ACO1: variants seen among roughly 807,000 people sequenced by gnomAD.
ACO1 encodes the protein aconitase 1, also known as cytoplasmic aconitate hydratase.
Under a neutral mutation model 105.1 loss-of-function variants are expected in ACO1, and 78 were observed. The ratio of observed to expected loss-of-function variants is 0.74; its 90% CI spans 0.62 to 0.90. The LOEUF is 0.90. ACO1 is among the 40% of genes least tolerant of loss of function. The probability of loss-of-function intolerance (pLI) is 0.00; values close to 1 mark genes in which losing one functional copy is unlikely to be tolerated. For synonymous variants in ACO1, 364 were observed against 397.4 expected (o/e 0.92, Z 1.00); for missense variants, 965 against 1,111.1 (o/e 0.87, Z 1.87).
chr9:32,423,263 C>T (rs1357494450), intron 8 of ACO1, 56 bp from the exon 9 acceptor site: 3 of 1,041,102 alleles, frequency 2.9e-6, no homozygotes, highest in African/African-American at 1.7e-5. Flanking sequence ...AGTTTATAAA[C>T]TTCAACCAGG....
chr9:32,398,493 C>T (rs1223240183), intron 1 of ACO1, among the ~76,000 whole-genome samples: 6 of 152,032 alleles, frequency 3.9e-5, no homozygotes, highest in African/African-American at 1.4e-4. Flanking sequence ...TGTGCAGTCT[C>T]CCTCACAAAA....
intron 2 of ACO1, 147 bp from the exon 3 acceptor site, chr9:32,407,114 G>A: frequency 1.4e-6 from 1 of 702,570 alleles, no homozygotes; most frequent in Non-Finnish European, 2.4e-6. Context: ...AAATATCCAT[G>A]TATTTTAAAC....
intron 1 of ACO1, among the ~76,000 whole-genome samples, chr9:32,394,929 C>G (rs1821340851): frequency 1.1e-5 from 1 of 92,302 alleles, no homozygotes; most frequent in African/African-American, 3.2e-5. Flanking sequence ...TTGGCGAATT[C>G]ACAGAGGTAA....
chr9:32,405,123 G>A (rs2118397792), intron 1 of ACO1, among the ~76,000 whole-genome samples: 1 of 50,558 alleles, frequency 2.0e-5, no homozygotes, highest in East Asian at 3.9e-4. Flanking sequence ...TAGTTCCCAG[G>A]AAAGAGGCGC....
chr9:32,431,804 C>T lies in ACO1; in HGVS notation c.1812C>T (p.Val604=). ...DEIQAVERQY[V]IPGMFKEVYQ... Reference sequence around the variant, plus strand: ...TCCAGGCAGTGGAGCGTCAGTATGTCATCCCGGGGATGTTTAAGGAAGTCT... The same window carrying T: ...TCCAGGCAGTGGAGCGTCAGTATGTTATCCCGGGGATGTTTAAGGAAGTCT... The change falls in exon 15 of 21, where the codon GTC becomes GTT. Residue 604 remains valine, a synonymous_variant. Coordinates refer to ENST00000309951, the MANE Select transcript of ACO1 (RefSeq NM_002197.3). 1.2e-6 allele frequency: 2 copies of T among 1,614,126 alleles called. No individual in the cohort carries two copies. The highest frequency in any genetic ancestry group is 1.7e-6 in the Non-Finnish European group (2 of 1,180,016).
In ACO1 at chr9:32,430,512, C is replaced by A. The variant is rs147879556; in HGVS notation, c.1664C>A (p.Pro555His). ...NTRANYLASPPLVIAYAIAGT... is the reference protein window; with the variant it reads ...NTRANYLASPHLVIAYAIAGT... Reference sequence around the variant, plus strand: ...CGGGCCAACTATTTAGCCTCTCCCCCCTTAGTAATAGCATATGCAATTGCT... The same window carrying A: ...CGGGCCAACTATTTAGCCTCTCCCCACTTAGTAATAGCATATGCAATTGCT... Residue 555 changes from proline (P) to histidine (H), a missense_variant, in exon 14 of 21, where the codon CCC becomes CAC. By Grantham distance (77) the Pro-to-His change is moderately conservative. Coordinates refer to ENST00000309951, the MANE Select transcript of ACO1 (RefSeq NM_002197.3). The A allele has an allele frequency of 8.1e-4, 1,308 of 1,611,364 alleles. 10 individuals carry two copies. Among genetic ancestry groups the A allele is most frequent in the South Asian group, 2.4e-4 (22 of 90,256 alleles).
At position 32,389,799 on chromosome 9, in the gene ACO1, A is replaced by ATT. The variant is rs1821228942; in HGVS notation, c.-23+5064_-23+5065insTT. On this transcript the variant is annotated intron_variant, in intron 1 of 20. Transcript: ENST00000309951. Reference sequence around the variant, plus strand: ...AATTGGCCAATTTTGTTTCCTCTATACTTTTTTTTTTTTTTTTGAGACAGC... The same window carrying ATT: ...AATTGGCCAATTTTGTTTCCTCTATATTCTTTTTTTTTTTTTTTTGAGACAGC... 2.1e-4 allele frequency among the ~76,000 whole-genome samples: 7 copies of ATT among 32,652 alleles called. No homozygotes were observed. The East Asian group carries it at 4.9e-3, about 23-fold the overall frequency. 21.4% of individuals were successfully genotyped at this position (32,652 alleles called of 152,430 possible).
chr9:32,433,045 C>A (rs1429386635), intron 15 of ACO1, among the ~76,000 whole-genome samples: 1 of 152,140 alleles, frequency 6.6e-6, no homozygotes, highest in Non-Finnish European at 1.5e-5. Flanking sequence ...ATGACTCACA[C>A]ATGGTAGCTG....
Position 32,405,421 on chromosome 9 carries a change from A to T in ACO1, c.-22-64A>T, listed in dbSNP as rs1821587907. 2.1e-5 allele frequency: 19 copies of T among 919,938 alleles called. No individual in the cohort carries two copies. The South Asian group carries it at 2.2e-4, about 11-fold the overall frequency. The allele number at this position is 919,938 out of a possible 1,614,324, so 57.0% of individuals were successfully genotyped here. A position where few individuals can be genotyped will look rare whatever the true frequency, so the allele number is the denominator to read the frequency against. On this transcript the variant is annotated intron_variant, in intron 1 of 20. Transcript: ENST00000309951. Reference sequence around the variant, plus strand: ...ATAGTAAAAACTAAGCCTTCCTCCCAGTCCTGATTTCTAGGTCCCAGACCT... The same window carrying T: ...ATAGTAAAAACTAAGCCTTCCTCCCTGTCCTGATTTCTAGGTCCCAGACCT...
At chr9:32,424,909 A>G (rs1417831633) in intron 10 of ACO1, among the ~76,000 whole-genome samples, 3 of 126,532 alleles carry the variant, frequency 2.4e-5, no homozygotes, top group Non-Finnish European at 3.5e-5. Context: ...GACCCTCACC[A>G]CACTGTTTAC....
In ACO1 at chr9:32,450,236, A is replaced by ACT. The variant is rs1008999469; in HGVS notation, c.*126_*127dup. 1.3e-6 allele frequency: 1 copy of ACT among 787,370 alleles called. No homozygotes were observed. The highest frequency in any genetic ancestry group is 1.7e-5 in the African/African-American group (1 of 59,288). The allele number at this position is 787,370 out of a possible 1,614,324, so 48.8% of individuals were successfully genotyped here. A position where few individuals can be genotyped will look rare whatever the true frequency, so the allele number is the denominator to read the frequency against. On this transcript the variant is annotated 3_prime_UTR_variant, in exon 21 of 21. Coordinates refer to ENST00000309951, the MANE Select transcript of ACO1 (RefSeq NM_002197.3). The stretch of plus-strand genomic sequence containing the variant: ...TGCCTTGTAGATGGAGCAAGTGAGC[A>ACT]CTGAGGGTCTGGTGCCAATCCTGTA...
intron 4 of ACO1, among the ~76,000 whole-genome samples, chr9:32,411,045 A>T (rs1436684859): frequency 6.6e-6 from 1 of 152,104 alleles, no homozygotes; most frequent in Non-Finnish European, 1.5e-5. Context: ...GAAAACACAC[A>T]GTATCTCTAA....
chr9:32,403,203 C>T (rs566009480), intron 1 of ACO1, among the ~76,000 whole-genome samples: 3 of 152,242 alleles, frequency 2.0e-5, no homozygotes, highest in East Asian at 1.9e-4. Context: ...GGATGTATGC[C>T]GTTACGCAAG....
At position 32,450,146 on chromosome 9, in the gene ACO1, G is replaced by T; in HGVS notation, c.*35G>T. On this transcript the variant is annotated 3_prime_UTR_variant, in exon 21 of 21. Coordinates refer to ENST00000309951, the MANE Select transcript of ACO1 (RefSeq NM_002197.3). ...ACTTGGTGCTGCGCCCAGGGAGGAAGCCGCACCACCAGCCAGCGCAGGCCC... is the reference window on the plus strand; with the variant it reads ...ACTTGGTGCTGCGCCCAGGGAGGAATCCGCACCACCAGCCAGCGCAGGCCC... The T allele has an allele frequency of 6.4e-7, 1 of 1,556,838 alleles. No individual in the cohort carries two copies. Among genetic ancestry groups the T allele is most frequent in the Non-Finnish European group, 8.9e-7 (1 of 1,129,702 alleles).
chr9:32,387,612 G>GA (rs1038837469), intron 1 of ACO1, among the ~76,000 whole-genome samples: 5 of 151,980 alleles, frequency 3.3e-5, no homozygotes, highest in Admixed American at 1.3e-4. Context: ...TTTTGATAAG[G>GA]AAAAAAATCT....
At chr9:32,441,224 A>G (rs1195428029) in intron 19 of ACO1, among the ~76,000 whole-genome samples, 1 of 152,042 alleles carries the variant, frequency 6.6e-6, no homozygotes, top group East Asian at 1.9e-4. Context: ...TCGGGGCTCT[A>G]CCTCTTGAGG....
Position 32,384,709 on chromosome 9 carries a change from C to T in ACO1, c.-49C>T. ...CGCTGCTTGGGTCAGGTTCGCCGGT[C>T]GCGGGAGCCCCGCCGTGCAGTCGGA... On this transcript the variant is annotated 5_prime_UTR_variant, in exon 1 of 21. Coordinates refer to ENST00000309951, the MANE Select transcript of ACO1 (RefSeq NM_002197.3). 1 of 413,008 alleles carries T rather than the reference C, an allele frequency of 2.4e-6. No individual in the cohort carries two copies. The highest frequency in any genetic ancestry group is 1.7e-5 in the South Asian group (1 of 60,134). 25.6% of individuals were successfully genotyped at this position (413,008 alleles called of 1,614,324 possible).
At chr9:32,399,917 C>T (rs1477215612) in intron 1 of ACO1, among the ~76,000 whole-genome samples, 3 of 130,932 alleles carry the variant, frequency 2.3e-5, no homozygotes, top group Non-Finnish European at 4.9e-5. Flanking sequence ...CCTGCATTTT[C>T]TGTTGTTGCT....
At position 32,384,663 on chromosome 9, in the gene ACO1, G is replaced by A. The variant is rs1011584275; in HGVS notation, c.-95G>A. On this transcript the variant is annotated 5_prime_UTR_variant, in exon 1 of 21. Transcript: ENST00000309951. ...GCGTGGAGGCGGCAGCTGGAACCGC[G>A]CAGCGCACGGGAACGCGTCCCGCTG... 2.5e-6 allele frequency: 1 copy of A among 397,726 alleles called. No individual in the cohort carries two copies. Among genetic ancestry groups the A allele is most frequent in the South Asian group, 1.7e-5 (1 of 58,678 alleles). 24.6% of individuals were successfully genotyped at this position (397,726 alleles called of 1,614,324 possible).
Sources: allele counts gnomAD v4.1 joint callset (sites outside exome capture counted in the v4.1 genomes callset), GRCh38; gene constraint gnomAD v4.1.1; transcripts MANE v1.5; gene names NCBI Gene and HGNC (gene_info 2026-07-23, HGNC 2026-07-21).